The following FSTL4 variants were observed in gnomAD, a reference collection of about 807,000 sequenced individuals.
The protein encoded by FSTL4 is follistatin-related protein 4.
FSTL4 carries 28 observed loss-of-function variants against 78.2 expected under a neutral mutation model. That is an observed-to-expected ratio of 0.36 (90% CI 0.27 to 0.49). FSTL4 has a LOEUF of 0.49. Among genes scored for constraint, FSTL4 ranks in the 20% least tolerant of loss-of-function variants. The pLI, the probability that FSTL4 is intolerant of heterozygous loss-of-function variation, is 0.98. For synonymous variants in FSTL4, 422 were observed against 440.5 expected (o/e 0.96, Z 0.53); for missense variants, 922 against 1,084.9 (o/e 0.85, Z 2.11).
chr5:133,474,795 C>T (rs1041327902), intron 3 of FSTL4, among the ~76,000 whole-genome samples: 21 of 152,310 alleles, frequency 1.4e-4, no homozygotes, highest in South Asian at 8.3e-4. Context: ...TTCCTTTAAA[C>T]GCAGTAAACA....
chr5:133,736,845 G>T, the FSTL4 span, among the ~76,000 whole-genome samples: 1 of 152,130 alleles, frequency 6.6e-6, no homozygotes, highest in Non-Finnish European at 1.5e-5. Context: ...TCAGTCATAG[G>T]TCCAGCAATG....
At chr5:133,542,392 T>C (rs139361624) in intron 3 of FSTL4, among the ~76,000 whole-genome samples, 4 of 152,294 alleles carry the variant, frequency 2.6e-5, no homozygotes, top group Non-Finnish European at 4.4e-5. Context: ...TAATTTTTGC[T>C]TAGGACTTTT....
intron 2 of FSTL4, among the ~76,000 whole-genome samples, chr5:133,590,583 T>A (rs919386707): frequency 2.6e-5 from 4 of 152,062 alleles, no homozygotes; most frequent in Non-Finnish European, 5.9e-5. Flanking sequence ...CCAAGAATGA[T>A]TCCAGCTAAA....
At chr5:133,706,997 G>A in the FSTL4 span, among the ~76,000 whole-genome samples, 33 of 152,198 alleles carry the variant, frequency 2.2e-4, no homozygotes, top group Admixed American at 6.5e-5. Flanking sequence ...GCATCATCAT[G>A]AGGTCATAAG....
the FSTL4 span, among the ~76,000 whole-genome samples, chr5:133,706,056 C>T: frequency 6.6e-6 from 1 of 152,224 alleles, no homozygotes; most frequent in Admixed American, 6.5e-5. Flanking sequence ...AGTCTGTCAA[C>T]AGTGTAGGTG....
chr5:133,436,739 A>G (rs152784), intron 3 of FSTL4, among the ~76,000 whole-genome samples: 148,491 of 152,048 alleles, frequency 0.98, 72,543 homozygotes, highest in East Asian at 1. Context: ...CCCACCGAGA[A>G]CCGGTTGTTA....
chr5:133,742,770 G>A, the FSTL4 span, among the ~76,000 whole-genome samples: 6 of 152,278 alleles, frequency 3.9e-5, no homozygotes, highest in East Asian at 1.2e-3. Flanking sequence ...CTGATCCTAT[G>A]AACTGGAGAC....
At chr5:133,610,017 G>A (rs1761057604) in intron 1 of FSTL4, among the ~76,000 whole-genome samples, 1 of 152,234 alleles carries the variant, frequency 6.6e-6, no homozygotes, top group South Asian at 2.1e-4. Context: ...GGCAAGGTAG[G>A]AGTTAAGGTA....
At position 133,496,252 on chromosome 5, in the gene FSTL4, G is replaced by C. The variant is rs150803785; in HGVS notation, c.160+70934C>G. On this transcript the variant is annotated intron_variant, in intron 3 of 15. Coordinates refer to ENST00000265342, the MANE Select transcript of FSTL4 (RefSeq NM_015082.2). ...ATGTAGCAAATGCTCTGTAGGTATG[G>C]AAACAGTCAAACAAACAAAGAAAGC... 1.2e-4 allele frequency among the ~76,000 whole-genome samples: 18 copies of C among 152,326 alleles called. No homozygotes were observed. In the East Asian group the frequency reaches 3.3e-3, roughly 28 times the overall value.
rs190791867 is a variant in FSTL4, at chr5:133,229,747, C to A, written c.1015+3670G>T. ...CTGAGTGTGGCACCGCCTTAATGAT[C>A]TTGATGCATTTTACAAAGCTGTCAA... On this transcript the variant is annotated intron_variant, in intron 8 of 15. Transcript: ENST00000265342. Among the ~76,000 whole-genome samples, 107 of 152,280 alleles carry A rather than the reference C, an allele frequency of 7.0e-4. 2 individuals carry two copies. The highest frequency in any genetic ancestry group is 1.2e-4 in the Non-Finnish European group (8 of 68,028).
At chr5:133,825,121 C>A in the FSTL4 span, among the ~76,000 whole-genome samples, 6 of 152,172 alleles carry the variant, frequency 3.9e-5, no homozygotes, top group Non-Finnish European at 5.9e-5. Flanking sequence ...GGACTCAGTG[C>A]CTCGCTGCAC....
the FSTL4 span, among the ~76,000 whole-genome samples, chr5:133,644,292 A>T: frequency 6.6e-6 from 1 of 152,048 alleles, no homozygotes; most frequent in East Asian, 1.9e-4. Context: ...CTGAGTAAAA[A>T]ACTAAAGTCT....
chr5:133,625,459 T>C, the FSTL4 span, among the ~76,000 whole-genome samples: 1 of 151,402 alleles, frequency 6.6e-6, no homozygotes. Context: ...GTAATAATAG[T>C]CCTTGTTTAA....
chr5:133,418,226 A>T lies in FSTL4; in HGVS notation c.161-17240T>A, dbSNP rs534421607. On this transcript the variant is annotated intron_variant, in intron 3 of 15. Transcript: ENST00000265342. ...TTAGCAAGTCTGATCAAGAAGAAAA[A>T]AGATGGATATTATAAATTACCGATA... Among the ~76,000 whole-genome samples the T allele has an allele frequency of 2.8e-5, 4 of 142,856 alleles. No individual in the cohort carries two copies. In the South Asian group the frequency reaches 9.3e-4, roughly 33 times the overall value. The allele number at this position is 142,856 out of a possible 152,430, so 93.7% of individuals were successfully genotyped here.
At chr5:133,776,687 C>T in the FSTL4 span, among the ~76,000 whole-genome samples, 2 of 152,186 alleles carry the variant, frequency 1.3e-5, no homozygotes, top group Non-Finnish European at 2.9e-5. Context: ...CCTGATCACA[C>T]CGAGTACTTA....
chr5:133,272,181 A>G (rs1227536824), intron 6 of FSTL4, among the ~76,000 whole-genome samples: 1 of 152,264 alleles, frequency 6.6e-6, no homozygotes, highest in East Asian at 1.9e-4. Flanking sequence ...CCAGAATTCT[A>G]TTAATTTTTG....
At chr5:133,776,983 C>T in the FSTL4 span, among the ~76,000 whole-genome samples, 10 of 152,124 alleles carry the variant, frequency 6.6e-5, no homozygotes, top group African/African-American at 2.4e-4. Context: ...GAGAGCCCAC[C>T]CCTAAGATAG....
At chr5:133,736,138 G>T in the FSTL4 span, among the ~76,000 whole-genome samples, 6 of 152,218 alleles carry the variant, frequency 3.9e-5, no homozygotes, top group African/African-American at 1.4e-4. Context: ...GGCTTCCAAG[G>T]AGTATAGGCC....
chr5:133,230,378 C>T (rs912344564), intron 8 of FSTL4, among the ~76,000 whole-genome samples: 2 of 152,186 alleles, frequency 1.3e-5, no homozygotes, highest in African/African-American at 4.8e-5. Context: ...CAGACCAATT[C>T]AGGGCTAATT....
Sources: allele counts gnomAD v4.1 joint callset (sites outside exome capture counted in the v4.1 genomes callset), GRCh38; gene constraint gnomAD v4.1.1; transcripts MANE v1.5; gene names NCBI Gene and HGNC (gene_info 2026-07-23, HGNC 2026-07-21).